Variants in FAT4 observed in about 807,000 individuals in gnomAD.
FAT4 encodes the protein protocadherin Fat 4.
A neutral mutation model predicts 303.9 loss-of-function variants in FAT4; 84 were observed. The ratio of observed to expected loss-of-function variants is 0.28; its 90% CI spans 0.23 to 0.33. FAT4 has a LOEUF of 0.33. Ranked by LOEUF, FAT4 falls within the 10% of genes least tolerant of loss-of-function variation. The probability of loss-of-function intolerance (pLI) is 1.00; values close to 1 mark genes in which losing one functional copy is unlikely to be tolerated. For missense variants in FAT4, 6,005 were observed against 6,146.8 expected, an observed-to-expected ratio of 0.98 and a Z score of 0.77; for synonymous variants, 2,307 against 2,298.8, an observed-to-expected ratio of 1.00 and a Z score of -0.10.
At chr4:125,365,499 T>C (rs1053276872) in intron 2 of FAT4, among the ~76,000 whole-genome samples, 2 of 152,194 alleles carry the variant, frequency 1.3e-5, no homozygotes, top group Admixed American at 1.3e-4. Context: ...TTGTCTTTCC[T>C]ATTCATACCA....
chr4:125,366,078 G>T (rs2125988348), intron 2 of FAT4, among the ~76,000 whole-genome samples: 1 of 152,264 alleles, frequency 6.6e-6, no homozygotes, highest in African/African-American at 2.4e-5. Context: ...GCCCCACCCT[G>T]CTCTGTGGAA....
chr4:125,471,603 G>A (rs1358824572), intron 12 of FAT4, among the ~76,000 whole-genome samples: 1 of 151,910 alleles, frequency 6.6e-6, no homozygotes, highest in Admixed American at 6.6e-5. Context: ...ATAATAGAAT[G>A]GAATGGCTTA....
chr4:125,414,768 G>C, intron 5 of FAT4, 116 bp from the exon 6 acceptor site: 1 of 653,346 alleles, frequency 1.5e-6, no homozygotes, highest in South Asian at 1.9e-5. Context: ...ATTTCCTAAA[G>C]TGTGTTTGGA....
intron 9 of FAT4, among the ~76,000 whole-genome samples, chr4:125,448,075 A>G (rs76891791): frequency 0.029 from 4,354 of 152,220 alleles, 87 homozygotes; most frequent in Non-Finnish European, 0.04. Context: ...TGCATTGGGT[A>G]GAGGCATAGC....
chr4:125,479,119 T>C (rs925955637), intron 14 of FAT4, among the ~76,000 whole-genome samples: 1 of 152,184 alleles, frequency 6.6e-6, no homozygotes, highest in African/African-American at 2.4e-5. Flanking sequence ...CTACCAGATA[T>C]ACTTCATTCC....
intron 2 of FAT4, among the ~76,000 whole-genome samples, chr4:125,339,169 T>C (rs1370580199): frequency 1.3e-5 from 2 of 152,140 alleles, no homozygotes; most frequent in Non-Finnish European, 1.5e-5. Context: ...ATCAACATTA[T>C]CTCCTTTTTT....
intron 2 of FAT4, among the ~76,000 whole-genome samples, chr4:125,332,396 T>C (rs1326581519): frequency 6.6e-6 from 1 of 152,168 alleles, no homozygotes; most frequent in Non-Finnish European, 1.5e-5. Flanking sequence ...GTTGACATAA[T>C]TTAGTAATAG....
chr4:125,476,272 A>C lies in FAT4; in HGVS notation c.12299+16A>C. On this transcript the variant is annotated intron_variant, in intron 13 of 17. Coordinates refer to ENST00000394329, the MANE Select transcript of FAT4 (RefSeq NM_001291303.3). ...CAGATGACTGGTAAGGAATAGGATT[A>C]GTTTAATTTTTATTATTACTTAAAA... is the stretch of plus-strand genomic sequence containing the variant. 1 of 1,445,056 alleles carries C rather than the reference A, an allele frequency of 6.9e-7. No individual in the cohort carries two copies. The highest frequency in any genetic ancestry group is 2.4e-5 in the East Asian group (1 of 42,492). 89.5% of individuals were successfully genotyped at this position (1,445,056 alleles called of 1,614,324 possible).
At chr4:125,407,292 A>T in intron 4 of FAT4, 151 bp downstream of exon 4, 1 of 754,670 alleles carries the variant, frequency 1.3e-6, no homozygotes, top group East Asian at 2.8e-5. Context: ...GGATCTTTTC[A>T]TTAACGATCT....
intron 2 of FAT4, among the ~76,000 whole-genome samples, chr4:125,390,014 T>G (rs1398893546): frequency 6.6e-6 from 1 of 152,132 alleles, no homozygotes; most frequent in Admixed American, 6.5e-5. Context: ...CCCAGACTTA[T>G]GGCAGTAGAA....
At chr4:125,416,377 T>C in intron 6 of FAT4, 71 bp from the exon 7 acceptor site, 1 of 1,336,454 alleles carries the variant, frequency 7.5e-7, no homozygotes, top group East Asian at 2.3e-5. Flanking sequence ...CATTTTTTTT[T>C]AATGGAGGCA....
intron 7 of FAT4, among the ~76,000 whole-genome samples, chr4:125,428,992 C>T (rs535561540): frequency 6.6e-6 from 1 of 152,258 alleles, no homozygotes; most frequent in African/African-American, 2.4e-5. Flanking sequence ...CAATTTTGCC[C>T]TATTACACCA....
In FAT4 at chr4:125,396,535, CACTT is replaced by C. The variant is rs1346382251; in HGVS notation, c.5176-2246_5176-2243del. 4.6e-5 allele frequency among the ~76,000 whole-genome samples: 7 copies of C among 152,136 alleles called. No individual in the cohort carries two copies. In the South Asian group the frequency reaches 8.3e-4, roughly 18 times the overall value. The stretch of plus-strand genomic sequence containing the variant: ...TTTGATGTTCTTCCCTGCACATACA[CACTT>C]ACATGCACACATTTACACACACCCA... On this transcript the variant is annotated intron_variant, in intron 2 of 17. Transcript: ENST00000394329.
intron 2 of FAT4, among the ~76,000 whole-genome samples, chr4:125,350,595 T>C (rs1284488135): frequency 6.6e-6 from 1 of 151,734 alleles, no homozygotes; most frequent in African/African-American, 2.4e-5. Flanking sequence ...ACTGAGTTTC[T>C]CATTCAGTCC....
At chr4:125,370,093 G>T (rs1733049008) in intron 2 of FAT4, among the ~76,000 whole-genome samples, 1 of 151,752 alleles carries the variant, frequency 6.6e-6, no homozygotes. Context: ...TATAAAGGCA[G>T]ATATAGGGTG....
chr4:125,376,152 T>C (rs1733304131), intron 2 of FAT4, among the ~76,000 whole-genome samples: 1 of 152,244 alleles, frequency 6.6e-6, no homozygotes, highest in Admixed American at 6.5e-5. Context: ...TGGTTTGTTA[T>C]TTGTGTAAGA....
intron 2 of FAT4, among the ~76,000 whole-genome samples, chr4:125,330,027 T>C (rs1578527873): frequency 6.6e-6 from 1 of 152,300 alleles, no homozygotes. Flanking sequence ...ATTGAAGACA[T>C]CTTCTTGTTG....
rs1385828908 is a variant in FAT4, at chr4:125,450,980, G to A, written c.9970G>A (p.Ala3324Thr). The change falls in exon 10 of 18, where the codon GCT becomes ACT. Residue 3324 changes from alanine (A) to threonine (T), a missense_variant. Transcript: ENST00000394329. The part of the protein sequence containing the change: ...PKGTIVGEVF[A>T]SDRDLGTDGE... ...AGGTACTATTGTTGGAGAAGTGTTT[G>A]CTAGCGACCGTGATTTGGGCACTGA... 6.2e-7 allele frequency: 1 copy of A among 1,614,152 alleles called. No individual in the cohort carries two copies. Among genetic ancestry groups the A allele is most frequent in the South Asian group, 1.1e-5 (1 of 91,086 alleles).
At chr4:125,373,976 T>A (rs761044646) in intron 2 of FAT4, among the ~76,000 whole-genome samples, 1 of 152,242 alleles carries the variant, frequency 6.6e-6, no homozygotes, top group Non-Finnish European at 1.5e-5. Context: ...TAAATTAGGA[T>A]AAATGACATA....
Sources: gnomAD v4.1 joint callset for allele counts (sites outside exome capture counted in the v4.1 genomes callset) on GRCh38, gnomAD v4.1.1 for gene constraint, MANE v1.5 for transcripts, NCBI Gene and HGNC (gene_info 2026-07-23, HGNC 2026-07-21) for gene names.